Variants in DNAH2 observed in about 807,000 individuals in gnomAD.
The protein encoded by DNAH2 is axonemal beta dynein heavy chain 2.
A neutral mutation model predicts 523.5 loss-of-function variants in DNAH2; 323 were observed. That is an observed-to-expected ratio of 0.62 (90% CI 0.56 to 0.68). The LOEUF (loss-of-function observed/expected upper bound fraction) is 0.68. DNAH2 is among the 30% of genes least tolerant of loss of function. The pLI is 0.00. For synonymous variants in DNAH2, 2,093 were observed against 2,177.4 expected (o/e 0.96, Z 1.08); for missense variants, 4,907 against 5,701.5 (o/e 0.86, Z 4.49).
intron 12 of DNAH2, chr17:7,755,096 A>T (rs1227167059): frequency 1.0e-5 from 2 of 199,938 alleles, no homozygotes; most frequent in Non-Finnish European, 2.0e-5. Flanking sequence ...TACAGCTGGA[A>T]GTGGATGGAA....
At position 7,798,628 on chromosome 17, in the gene DNAH2, A is replaced by C; in HGVS notation, c.8469A>C (p.Gln2823His). Residue 2823 changes from glutamine to histidine, a missense_variant, in exon 55 of 86, where the codon CAA becomes CAC. By Grantham distance (24) the Gln-to-His change is conservative. Transcript: ENST00000572933. The surrounding 1 kb of genome is among the most constrained non-coding windows in gnomAD (Gnocchi z 5.5). ...CGTCCTTCATTTTTGTGGACACCCA[A>C]ATAGCTGATGAGTCCTTCCTAGAGG... Reference protein sequence around the residue: ...KTTSFIFVDTQIADESFLEDI... With the variant: ...KTTSFIFVDTHIADESFLEDI... 1 of 1,614,194 alleles carries C rather than the reference A, an allele frequency of 6.2e-7. No individual in the cohort carries two copies. The highest frequency in any genetic ancestry group is 1.1e-5 in the South Asian group (1 of 91,090).
chr17:7,788,130 C>T lies in DNAH2; in HGVS notation c.6786C>T (p.Asn2262=). Residue 2262 remains asparagine (N), a synonymous_variant, in exon 44 of 86, where the codon AAC becomes AAT. Transcript: ENST00000572933. ...AACGCATGTTCGAAAAGCTCATCAA[C>T]AAGATGCTGGCCTTTAAGAAGGACA... ...PLQRMFEKLI[N]KMLAFKKDNC... is the part of the protein sequence containing the mutation. The T allele has an allele frequency of 6.2e-7, 1 of 1,614,226 alleles. No individual in the cohort carries two copies. Among genetic ancestry groups the T allele is most frequent in the Non-Finnish European group, 8.5e-7 (1 of 1,180,044 alleles).
intron 36 of DNAH2, among the ~76,000 whole-genome samples, chr17:7,779,887 C>A (rs1332855306): frequency 6.6e-6 from 1 of 152,116 alleles, no homozygotes; most frequent in Non-Finnish European, 1.5e-5. Context: ...ACACACAGAA[C>A]CTGGAGAGAT....
In DNAH2 at chr17:7,780,937, T is replaced by TA; in HGVS notation, c.6004-103dup. The TA allele has an allele frequency of 6.3e-7, 1 of 1,591,206 alleles. No homozygotes were observed. The stretch of plus-strand genomic sequence containing the variant: ...TGTTGCCCGCTGCTTTGCTAATGGC[T>TA]AACTGGTGTATCCATTGTTCTTGGC... On this transcript the variant is annotated intron_variant, in intron 38 of 85. Transcript: ENST00000572933. The surrounding 1 kb of genome is among the most constrained non-coding windows in gnomAD (Gnocchi z 4.4).
intron 44 of DNAH2, 76 bp from the exon 45 acceptor site, chr17:7,791,841 C>T: frequency 7.0e-7 from 1 of 1,432,966 alleles, no homozygotes. Context: ...TTTCCACACT[C>T]TGGTGTCACG....
intron 28 of DNAH2, among the ~76,000 whole-genome samples, chr17:7,774,441 T>C (rs1338566195): frequency 6.6e-6 from 1 of 152,232 alleles, no homozygotes; most frequent in East Asian, 1.9e-4. Context: ...CGGACCACAG[T>C]TGTCTGCAGG....
At position 7,831,404 on chromosome 17, in the gene DNAH2, C is replaced by G; in HGVS notation, c.12474C>G (p.Ala4158=). 2 of 1,613,956 alleles carry G rather than the reference C, an allele frequency of 1.2e-6. No homozygotes were observed. The highest frequency in any genetic ancestry group is 1.7e-6 in the Non-Finnish European group (2 of 1,180,004). The stretch of plus-strand genomic sequence containing the variant: ...TGCCTGCTCAGGTCCTTGAGTTGGC[C>G]GCTGATGTGAAGCAGAAGATCCCTG... ...QTREEKVLEL[A]ADVKQKIPEM... Residue 4158 remains alanine, a synonymous_variant, in exon 81 of 86, where the codon GCC becomes GCG. Transcript: ENST00000572933. This position sits in a 1 kb window ranked among gnomAD's most constrained non-coding sequence, Gnocchi z 4.2.
chr17:7,731,903 C>T (rs2074999102), intron 4 of DNAH2, among the ~76,000 whole-genome samples: 2 of 151,750 alleles, frequency 1.3e-5, no homozygotes, highest in African/African-American at 4.8e-5. Context: ...GTGGCACATG[C>T]TTGTAATCCT....
chr17:7,805,170 T>A, intron 60 of DNAH2, 82 bp from the exon 61 acceptor site: 1 of 1,596,062 alleles, frequency 6.3e-7, no homozygotes, highest in Non-Finnish European at 8.6e-7. Flanking sequence ...TCTGGGGAAG[T>A]GGGAAGAAGA....
intron 42 of DNAH2, chr17:7,787,456 C>T (rs189289859): frequency 1.2e-4 from 29 of 247,932 alleles, no homozygotes; most frequent in South Asian, 3.4e-4. Context: ...CAAACTGGGC[C>T]GGGCCGGGTG....
Position 7,826,465 on chromosome 17 carries a change from AAAG to A in DNAH2, c.11853+1743_11853+1745del, listed in dbSNP as rs2078021016. On this transcript the variant is annotated intron_variant, in intron 77 of 85. Coordinates refer to ENST00000572933, the MANE Select transcript of DNAH2 (RefSeq NM_020877.5). ...AAAAGCTAGATATTAAGTAGGTACA[AAAG>A]AAGATTTATAAAATATATGCAAGTT... 2.6e-5 allele frequency among the ~76,000 whole-genome samples: 4 copies of A among 152,218 alleles called. No individual in the cohort carries two copies. The South Asian group carries it at 8.3e-4, about 32-fold the overall frequency.
rs767505783 is a variant in DNAH2, at chr17:7,760,881, G to A, written c.2927G>A (p.Arg976His). 6 of 1,614,154 alleles carry A rather than the reference G, an allele frequency of 3.7e-6. No individual in the cohort carries two copies. The highest frequency in any genetic ancestry group is 2.2e-5 in the East Asian group (1 of 44,884). Residue 976 changes from arginine (R) to histidine (H), a missense_variant, in exon 18 of 86, where the codon CGC (arginine) becomes CAC (histidine). By Grantham distance (29) the Arg-to-His change is conservative. Transcript: ENST00000572933. The surrounding 1 kb of genome is among the most constrained non-coding windows in gnomAD (Gnocchi z 4.0). ...ATCAACAAGGACTCCTTCATTCATCGCTACCAGCGCCTCAACCCTCCTGTC... is the reference window on the plus strand; with the variant it reads ...ATCAACAAGGACTCCTTCATTCATCACTACCAGCGCCTCAACCCTCCTGTC... ...WEINKDSFIH[R>H]YQRLNPPVSS...
At chr17:7,771,268 G>T in intron 27 of DNAH2, 62 bp from the exon 28 acceptor site, 1 of 1,604,128 alleles carries the variant, frequency 6.2e-7, no homozygotes, top group Non-Finnish European at 8.5e-7. Flanking sequence ...TCTGGGAACA[G>T]GGAGCAGAGG....
chr17:7,815,210 C>T (rs890197181), intron 63 of DNAH2, among the ~76,000 whole-genome samples: 12 of 152,318 alleles, frequency 7.9e-5, no homozygotes, highest in Middle Eastern at 3.4e-3. Context: ...TGCCTTGCAC[C>T]GTGCCATAGC....
chr17:7,769,451 C>G lies in DNAH2; in HGVS notation c.3942-801C>G, dbSNP rs558649770. ...TGCTGGGATTACAGGCATGAGCCACCGTGCCCGTCCCGCCTTATGTCTTTT... is the reference window on the plus strand; with the variant it reads ...TGCTGGGATTACAGGCATGAGCCACGGTGCCCGTCCCGCCTTATGTCTTTT... On this transcript the variant is annotated intron_variant, in intron 24 of 85. Transcript: ENST00000572933. Among the ~76,000 whole-genome samples the G allele has an allele frequency of 2.6e-4, 39 of 152,294 alleles. No individual in the cohort carries two copies. The South Asian group carries it at 3.5e-3, about 14-fold the overall frequency.
chr17:7,748,276 T>C (rs2075571922), intron 12 of DNAH2, among the ~76,000 whole-genome samples: 1 of 152,208 alleles, frequency 6.6e-6, no homozygotes. Flanking sequence ...AGAGTAGAAT[T>C]TCCTGAGAGG....
rs1420487585 is a variant in DNAH2, at chr17:7,807,277, C to G, written c.9570C>G (p.Ser3190=). ...AGCCTGATATCATCGGCCGCGTCTCCCTGGCTGCCAAGTCCCTCTGCATGT... is the reference window on the plus strand; with the variant it reads ...AGCCTGATATCATCGGCCGCGTCTCGCTGGCTGCCAAGTCCCTCTGCATGT... ...DFQPDIIGRV[S]LAAKSLCMWV... Residue 3190 remains serine (S), a synonymous_variant, in exon 62 of 86, where the codon TCC becomes TCG. Transcript: ENST00000572933. This position sits in a 1 kb window ranked among gnomAD's most constrained non-coding sequence, Gnocchi z 5.6. The G allele has an allele frequency of 1.2e-6, 2 of 1,613,768 alleles. No individual in the cohort carries two copies. Among genetic ancestry groups the G allele is most frequent in the Non-Finnish European group, 1.7e-6 (2 of 1,180,038 alleles).
At chr17:7,735,393 G>T (rs1301441563) in intron 7 of DNAH2, among the ~76,000 whole-genome samples, 2 of 152,232 alleles carry the variant, frequency 1.3e-5, no homozygotes, top group Non-Finnish European at 1.5e-5. Flanking sequence ...GCCTCCCAAA[G>T]TGCTGGGATT....
rs150398754 is a variant in DNAH2 at position 7,759,102 on chromosome 17, T to G, written c.2426T>G (p.Val809Gly). The change falls in exon 15 of 86, where the codon GTC (valine) becomes GGC (glycine). Residue 809 changes from valine (V) to glycine (G), a missense_variant. Coordinates refer to ENST00000572933, the MANE Select transcript of DNAH2 (RefSeq NM_020877.5). ...ACCATCATGACCAACTCCTATGAGGTCTTCAAGAATGATGGTCCTGAGGTA... is the reference window on the plus strand; with the variant it reads ...ACCATCATGACCAACTCCTATGAGGGCTTCAAGAATGATGGTCCTGAGGTA... ...VVTIMTNSYE[V>G]FKNDGPEIQQ... is the part of the protein sequence containing the mutation. 1.2e-6 allele frequency: 2 copies of G among 1,613,964 alleles called. No individual in the cohort carries two copies. Among genetic ancestry groups the G allele is most frequent in the Non-Finnish European group, 1.7e-6 (2 of 1,179,994 alleles).
Sources: gnomAD v4.1 joint callset for allele counts (sites outside exome capture counted in the v4.1 genomes callset) on GRCh38, gnomAD v4.1.1 for gene constraint, Gnocchi (gnomAD v3.1) non-coding constraint, MANE v1.5 for transcripts, NCBI Gene and HGNC (gene_info 2026-07-23, HGNC 2026-07-21) for gene names.